Variants in SVIL observed in about 807,000 individuals in gnomAD.
SVIL encodes the protein supervillin.
Under a neutral mutation model 240.4 loss-of-function variants are expected in SVIL, and 101 were observed. The observed-to-expected ratio is 0.42, with a 90% CI of 0.36 to 0.50. The LOEUF is 0.50. SVIL is among the 20% of genes least tolerant of loss of function. The probability of loss-of-function intolerance (pLI) is 0.01; values close to 1 mark genes in which losing one functional copy is unlikely to be tolerated. For synonymous variants in SVIL, 999 were observed against 1,100.0 expected (o/e 0.91, Z 1.82); for missense variants, 2,512 against 2,818.7 (o/e 0.89, Z 2.46).
intron 1 of SVIL, among the ~76,000 whole-genome samples, chr10:29,704,028 C>A (rs1962714436): frequency 6.6e-6 from 1 of 152,144 alleles, no homozygotes; most frequent in Admixed American, 6.5e-5. Flanking sequence ...ATCTCGAATT[C>A]CGGGCATCAA....
intron 6 of SVIL, among the ~76,000 whole-genome samples, chr10:29,539,902 C>T (rs58515486): frequency 0.048 from 7,245 of 152,148 alleles, 570 homozygotes; most frequent in African/African-American, 0.16. Flanking sequence ...TTGAGACTCG[C>T]TTTTTACTCC....
chr10:29,692,137 G>C (rs1272507105), intron 1 of SVIL, among the ~76,000 whole-genome samples: 1 of 152,164 alleles, frequency 6.6e-6, no homozygotes, highest in Non-Finnish European at 1.5e-5. Flanking sequence ...AGAAAACAAA[G>C]AATCGTGAAC....
rs888183314 is a variant in SVIL at position 29,700,310 on chromosome 10, A to C, written c.-399-13659T>G. Among the ~76,000 whole-genome samples, 3 of 152,160 alleles carry C rather than the reference A, an allele frequency of 2.0e-5. No homozygotes were observed. In the South Asian group the frequency reaches 6.2e-4, roughly 32 times the overall value. On this transcript the variant is annotated intron_variant, in intron 1 of 35. Transcript: ENST00000375400. ...TTCCCTGCAAACACTCCAACCTACC[A>C]GCAGATTCAGAGGACACCCTCTCAC...
chr10:29,545,741 G>T (rs1199503398), intron 6 of SVIL, among the ~76,000 whole-genome samples: 2 of 150,900 alleles, frequency 1.3e-5, no homozygotes, highest in African/African-American at 4.9e-5. Flanking sequence ...TGTAGTCCCA[G>T]CTACTTGGGA....
At chr10:29,676,580 G>A (rs1407886807) in intron 2 of SVIL, among the ~76,000 whole-genome samples, 2 of 152,132 alleles carry the variant, frequency 1.3e-5, no homozygotes, top group African/African-American at 4.8e-5. Flanking sequence ...TCTTGTCAAA[G>A]GTAAGTACAA....
chr10:29,586,446 G>T (rs1956169022), intron 1 of SVIL, among the ~76,000 whole-genome samples: 1 of 152,012 alleles, frequency 6.6e-6, no homozygotes, highest in African/African-American at 2.4e-5. Context: ...CTGTCCTTGG[G>T]GAAATCACCT....
chr10:29,463,030 A>G (rs1344375724), intron 35 of SVIL, among the ~76,000 whole-genome samples: 1 of 152,222 alleles, frequency 6.6e-6, no homozygotes, highest in Non-Finnish European at 1.5e-5. Flanking sequence ...CTCTTTGGAT[A>G]TAATACTAAA....
At chr10:29,664,686 A>ATG (rs1959197136) in intron 2 of SVIL, among the ~76,000 whole-genome samples, 1 of 142,116 alleles carries the variant, frequency 7.0e-6, no homozygotes, top group Non-Finnish European at 1.5e-5. Flanking sequence ...TTATATATAT[A>ATG]TATATACACA....
chr10:29,547,665 TCTTTA>T (rs1437365392), intron 6 of SVIL, among the ~76,000 whole-genome samples: 16 of 152,214 alleles, frequency 1.1e-4, no homozygotes, highest in Admixed American at 7.2e-4. Context: ...AAGTATCCTG[TCTTTA>T]CTTGGGATGC....
intron 12 of SVIL, among the ~76,000 whole-genome samples, chr10:29,529,175 C>CAAAAAAAAAAAA (rs66523560): frequency 5.4e-4 from 36 of 66,066 alleles, no homozygotes; most frequent in Non-Finnish European, 7.9e-4. Flanking sequence ...GACTCTCTCT[C>CAAAAAAAAAAAA]AAAAAAAAAA....
chr10:29,696,377 G>A (rs1184248040), intron 1 of SVIL, among the ~76,000 whole-genome samples: 1 of 151,906 alleles, frequency 6.6e-6, no homozygotes, highest in African/African-American at 2.4e-5. Flanking sequence ...CCGCCACCCC[G>A]TCTGGGAAGT....
intron 1 of SVIL, among the ~76,000 whole-genome samples, chr10:29,723,331 G>A (rs894865939): frequency 6.6e-6 from 1 of 152,350 alleles, no homozygotes; most frequent in East Asian, 1.9e-4. Context: ...AGTGAGCTGG[G>A]ATCGTGCTAT....
At chr10:29,501,573 C>T (rs1484472357) in intron 17 of SVIL, among the ~76,000 whole-genome samples, 1 of 152,160 alleles carries the variant, frequency 6.6e-6, no homozygotes, top group African/African-American at 2.4e-5. Flanking sequence ...GTAAGTTTAA[C>T]ATTTTATCAA....
At chr10:29,721,059 G>T (rs1345914909) in intron 1 of SVIL, among the ~76,000 whole-genome samples, 7 of 152,096 alleles carry the variant, frequency 4.6e-5, no homozygotes, top group Non-Finnish European at 1.0e-4. Flanking sequence ...TGTTGGCCAG[G>T]TTGGTCTCAA....
At chr10:29,730,349 C>A (rs1964548516) in intron 1 of SVIL, among the ~76,000 whole-genome samples, 1 of 152,146 alleles carries the variant, frequency 6.6e-6, no homozygotes, top group Non-Finnish European at 1.5e-5. Flanking sequence ...TGAGACTCAA[C>A]CTCCAGCTTC....
At chr10:29,569,858 A>G (rs565496459) in intron 1 of SVIL, among the ~76,000 whole-genome samples, 75 of 152,342 alleles carry the variant, frequency 4.9e-4, no homozygotes, top group African/African-American at 1.7e-3. Context: ...TGAAGACAAG[A>G]TAGGTATTAT....
chr10:29,642,966 G>A (rs763528877), intron 3 of SVIL, among the ~76,000 whole-genome samples: 5 of 152,166 alleles, frequency 3.3e-5, no homozygotes, highest in African/African-American at 7.2e-5. Context: ...GATTACAGGC[G>A]TGAGCCACTG....
At chr10:29,701,074 A>T (rs1451836405) in intron 1 of SVIL, among the ~76,000 whole-genome samples, 1 of 152,144 alleles carries the variant, frequency 6.6e-6, no homozygotes, top group Non-Finnish European at 1.5e-5. Flanking sequence ...TACAGTGGAC[A>T]TGTATGGCTT....
intron 26 of SVIL, among the ~76,000 whole-genome samples, 174 bp from the exon 27 acceptor site, chr10:29,485,005 G>A (rs1283771884): frequency 2.6e-5 from 4 of 151,934 alleles, no homozygotes; most frequent in East Asian, 1.9e-4. Context: ...CTGCCCCACC[G>A]AGCCAGCCTC....
Sources: gnomAD v4.1 joint callset for allele counts (sites outside exome capture counted in the v4.1 genomes callset) on GRCh38, gnomAD v4.1.1 for gene constraint, MANE v1.5 for transcripts, NCBI Gene and HGNC (gene_info 2026-07-23, HGNC 2026-07-21) for gene names.